Variants in LYPD6B observed in about 807,000 individuals in gnomAD.
The protein encoded by LYPD6B is LY6/PLAUR domain containing 6B.
A neutral mutation model predicts 22.8 loss-of-function variants in LYPD6B; 17 were observed. That is an observed-to-expected ratio of 0.75 (90% CI 0.51 to 1.12). The LOEUF is 1.12. LYPD6B is among the 50% of genes most tolerant of loss of function. The pLI, the probability that LYPD6B is intolerant of heterozygous loss-of-function variation, is 0.00. For missense variants in LYPD6B, 221 were observed against 258.3 expected (o/e 0.86, Z 0.99); for synonymous variants, 106 against 91.6 (o/e 1.16, Z -0.90).
At chr2:149,132,461 G>A (rs1452488873) in intron 2 of LYPD6B, among the ~76,000 whole-genome samples, 3 of 151,988 alleles carry the variant, frequency 2.0e-5, no homozygotes, top group Non-Finnish European at 4.4e-5. Context: ...GATGCAGCTC[G>A]ATTTCTCAAT....
chr2:149,168,977 A>C (rs1378009068), intron 3 of LYPD6B, among the ~76,000 whole-genome samples: 1 of 152,208 alleles, frequency 6.6e-6, no homozygotes, highest in African/African-American at 2.4e-5. Flanking sequence ...GTTACTTGTC[A>C]TCTATTAAAT....
In LYPD6B at chr2:149,208,334, T is replaced by C. The variant is rs753407336; in HGVS notation, c.250T>C (p.Phe84Leu). Residue 84 changes from phenylalanine to leucine, a missense_variant, in exon 5 of 7, where the codon TTC (phenylalanine) becomes CTC (leucine). Physicochemically the swap from Phe to Leu is conservative, Grantham distance 22. Transcript: ENST00000409642. The stretch of plus-strand genomic sequence containing the variant: ...TAAAGCTACACCATTTCCAAATAGC[T>C]TCAAGTGCTTTACTTGTGAAAACGC... The part of the protein sequence containing the change: ...PLDPTPFPNS[F>L]KCFTCENAGD... The C allele has an allele frequency of 1.2e-6, 2 of 1,613,578 alleles. No individual in the cohort carries two copies. The highest frequency in any genetic ancestry group is 3.3e-5 in the Admixed American group (2 of 60,006).
At chr2:149,098,016 T>C (rs188043025) in intron 1 of LYPD6B, among the ~76,000 whole-genome samples, 2 of 152,322 alleles carry the variant, frequency 1.3e-5, no homozygotes, top group African/African-American at 4.8e-5. Flanking sequence ...CTTTGGACAG[T>C]ATCTTTTAAA....
chr2:149,131,996 G>A (rs1360226818), intron 2 of LYPD6B, among the ~76,000 whole-genome samples: 5 of 152,086 alleles, frequency 3.3e-5, no homozygotes, highest in African/African-American at 7.2e-5. Flanking sequence ...AACTGAGACC[G>A]GGAGAGGGGA....
chr2:149,121,271 A>G (rs974874693), intron 1 of LYPD6B, among the ~76,000 whole-genome samples: 1 of 152,140 alleles, frequency 6.6e-6, no homozygotes, highest in African/African-American at 2.4e-5. Context: ...TGTTTTCTGA[A>G]GCTAAATTTT....
intron 3 of LYPD6B, among the ~76,000 whole-genome samples, chr2:149,176,754 C>T (rs770663467): frequency 1.4e-4 from 21 of 152,138 alleles, no homozygotes; most frequent in Non-Finnish European, 2.8e-4. Flanking sequence ...GCCTGAGGGC[C>T]ATCTATATGC....
intron 1 of LYPD6B, among the ~76,000 whole-genome samples, chr2:149,093,533 T>C (rs1404704217): frequency 6.6e-6 from 1 of 152,226 alleles, no homozygotes; most frequent in Non-Finnish European, 1.5e-5. Context: ...TAAGTGCCCA[T>C]GGGCCATCTC....
intron 3 of LYPD6B, among the ~76,000 whole-genome samples, chr2:149,190,974 CTCCAAGAAAG>C (rs1456753775): frequency 6.6e-6 from 1 of 152,088 alleles, no homozygotes; most frequent in Non-Finnish European, 1.5e-5. Context: ...CCTTTCCCTA[CTCCAAGAAAG>C]TCACTCATAT....
intron 1 of LYPD6B, among the ~76,000 whole-genome samples, chr2:149,093,322 G>A (rs190883164): frequency 2.0e-4 from 30 of 152,320 alleles, no homozygotes; most frequent in African/African-American, 6.3e-4. Flanking sequence ...AGATGCATAT[G>A]TGGAGGAAAG....
At chr2:149,114,749 A>G (rs1008161506) in intron 1 of LYPD6B, among the ~76,000 whole-genome samples, 12 of 152,168 alleles carry the variant, frequency 7.9e-5, no homozygotes, top group Non-Finnish European at 2.9e-5. Context: ...GACTAATTCT[A>G]GCTATTTCAA....
chr2:149,149,744 A>G (rs1243489001), intron 2 of LYPD6B, among the ~76,000 whole-genome samples: 1 of 152,114 alleles, frequency 6.6e-6, no homozygotes, highest in African/African-American at 2.4e-5. Context: ...AACATCTTGA[A>G]CTTTCCTTCA....
intron 2 of LYPD6B, among the ~76,000 whole-genome samples, chr2:149,133,519 A>C (rs530225712): frequency 6.6e-6 from 1 of 152,224 alleles, no homozygotes; most frequent in African/African-American, 2.4e-5. Flanking sequence ...CTTTGGGAAT[A>C]TCTTAGAGAA....
At chr2:149,207,064 G>A (rs1238820561) in intron 4 of LYPD6B, among the ~76,000 whole-genome samples, 1 of 152,092 alleles carries the variant, frequency 6.6e-6, no homozygotes, top group Non-Finnish European at 1.5e-5. Context: ...AATCAAAAAG[G>A]TTGTGCCAAT....
chr2:149,159,845 AG>A, intron 2 of LYPD6B, among the ~76,000 whole-genome samples: 1 of 152,286 alleles, frequency 6.6e-6, no homozygotes, highest in Admixed American at 6.5e-5. Context: ...TGATCAAATA[AG>A]GCTCACTCAC....
intron 3 of LYPD6B, among the ~76,000 whole-genome samples, chr2:149,167,759 C>T (rs529457207): frequency 6.6e-6 from 1 of 152,206 alleles, no homozygotes; most frequent in East Asian, 1.9e-4. Flanking sequence ...TTTAATTGCT[C>T]CCCTTTCTTG....
At chr2:149,063,024 CTCTT>C (rs1684164155) in intron 1 of LYPD6B, among the ~76,000 whole-genome samples, 1 of 152,118 alleles carries the variant, frequency 6.6e-6, no homozygotes, top group Non-Finnish European at 1.5e-5. Flanking sequence ...CTCTCTCTCT[CTCTT>C]CCTTCCTTCC....
Position 149,205,329 on chromosome 2 carries a change from C to T in LYPD6B, c.154C>T (p.Gln52Ter). The T allele has an allele frequency of 6.2e-7, 1 of 1,614,008 alleles. No individual in the cohort carries two copies. The highest frequency in any genetic ancestry group is 1.7e-4 in the Middle Eastern group (1 of 6,060). The part of the protein sequence containing the change: ...LCHALAIAVV[Q>*]IVIFSESWAF... Reference sequence around the variant, plus strand: ...TCACGCTCTCGCTATAGCTGTTGTCCAGATCGTTATCTTCTCAGAAAGCTG... The same window carrying T: ...TCACGCTCTCGCTATAGCTGTTGTCTAGATCGTTATCTTCTCAGAAAGCTG... Residue 52 changes from glutamine (Q) to a stop codon, truncating the protein, a stop_gained, in exon 4 of 7, where the codon CAG (glutamine) becomes TAG (stop). Transcript: ENST00000409642. LOFTEE classifies it high-confidence loss of function.
At chr2:149,129,242 T>C (rs1687880296) in intron 1 of LYPD6B, among the ~76,000 whole-genome samples, 1 of 152,190 alleles carries the variant, frequency 6.6e-6, no homozygotes. Context: ...CTATAGACTT[T>C]TAAGATGCTA....
intron 2 of LYPD6B, among the ~76,000 whole-genome samples, chr2:149,148,175 T>G (rs1341965176): frequency 6.6e-6 from 1 of 152,210 alleles, no homozygotes; most frequent in Non-Finnish European, 1.5e-5. Flanking sequence ...ATGTGAAAAT[T>G]GATTTAACAT....
Sources: allele counts gnomAD v4.1 joint callset (sites outside exome capture counted in the v4.1 genomes callset), GRCh38; gene constraint gnomAD v4.1.1; transcripts MANE v1.5; gene names NCBI Gene and HGNC (gene_info 2026-07-23, HGNC 2026-07-21).